The following DOCK2 variants were observed in gnomAD, a reference collection of about 807,000 sequenced individuals.
DOCK2 encodes the protein dedicator of cytokinesis protein 2.
In DOCK2, 87 loss-of-function variants were observed where a neutral mutation model predicts 248.9. The observed-to-expected ratio is 0.35, with a 90% confidence interval of 0.29 to 0.42. DOCK2 has a LOEUF of 0.42. Among genes scored for constraint, DOCK2 ranks in the 10% least tolerant of loss-of-function variants. DOCK2 has a pLI of 1.00. For synonymous variants in DOCK2, 805 were observed against 821.6 expected, an observed-to-expected ratio of 0.98 and a Z score of 0.35; for missense variants, 1,747 against 2,300.2, an observed-to-expected ratio of 0.76 and a Z score of 4.92.
intron 22 of DOCK2, among the ~76,000 whole-genome samples, chr5:169,721,678 G>T (rs1309988373): frequency 1.3e-5 from 2 of 152,146 alleles, no homozygotes; most frequent in Non-Finnish European, 2.9e-5. Flanking sequence ...CCCATTATTT[G>T]TTCCCTTGCC....
At chr5:169,798,157 G>A (rs1470268016) in intron 25 of DOCK2, among the ~76,000 whole-genome samples, 11 of 152,202 alleles carry the variant, frequency 7.2e-5, no homozygotes, top group African/African-American at 2.7e-4. Flanking sequence ...TACTCTGTGA[G>A]CAAGGCAAAC....
At chr5:169,807,833 C>CCA in intron 26 of DOCK2, among the ~76,000 whole-genome samples, 1 of 24,230 alleles carries the variant, frequency 4.1e-5, no homozygotes, top group African/African-American at 8.9e-5. Context: ...GACTCTGTCT[C>CCA]AAAAAAAAAA....
chr5:170,061,545 A>G (rs1437370117), intron 44 of DOCK2, among the ~76,000 whole-genome samples: 1 of 152,248 alleles, frequency 6.6e-6, no homozygotes, highest in Non-Finnish European at 1.5e-5. Context: ...CGTGGGTTTA[A>G]CTTCTGAAAT....
rs1766485652 is a variant in DOCK2, at chr5:169,793,699, TG to T, written c.2555-9356del. Among the ~76,000 whole-genome samples, 7 of 152,242 alleles carry T rather than the reference TG, an allele frequency of 4.6e-5. No homozygotes were observed. In the South Asian group the frequency reaches 1.5e-3, roughly 32 times the overall value. ...TACCCAGGAATCAAACTTTTTACCA[TG>T]GGCCCCAGGGCCTGATGAGACCTGG... On this transcript the variant is annotated intron_variant, in intron 25 of 51. Transcript: ENST00000520908.
chr5:169,985,196 C>A (rs910732162), intron 28 of DOCK2, among the ~76,000 whole-genome samples: 2 of 152,142 alleles, frequency 1.3e-5, no homozygotes, highest in African/African-American at 4.8e-5. Context: ...AGCCACCGTG[C>A]CTGGCCTCCA....
chr5:169,722,365 G>A (rs187621030), intron 22 of DOCK2, among the ~76,000 whole-genome samples: 2,375 of 152,300 alleles, frequency 0.016, 64 homozygotes, highest in African/African-American at 0.054. Flanking sequence ...AGACTGCAGA[G>A]TTAGGATAAC....
intron 27 of DOCK2, among the ~76,000 whole-genome samples, chr5:169,951,711 A>G (rs116173094): frequency 0.019 from 2,941 of 152,360 alleles, 45 homozygotes; most frequent in Non-Finnish European, 0.031. Flanking sequence ...ATACACAAAC[A>G]TATGTATAGC....
chr5:170,053,437 G>A (rs1756994629), intron 41 of DOCK2, among the ~76,000 whole-genome samples: 1 of 152,152 alleles, frequency 6.6e-6, no homozygotes, highest in Non-Finnish European at 1.5e-5. Context: ...AAACTCTATG[G>A]ACACTAACAT....
intron 30 of DOCK2, chr5:169,998,134 A>G (rs901010260): frequency 4.6e-6 from 2 of 439,254 alleles, no homozygotes; most frequent in East Asian, 7.0e-5. Context: ...ATGCAAAACC[A>G]TGTGGCTTCC....
intron 23 of DOCK2, among the ~76,000 whole-genome samples, chr5:169,752,881 A>G (rs1763975856): frequency 6.6e-6 from 1 of 152,124 alleles, no homozygotes; most frequent in South Asian, 2.1e-4. Context: ...CCTGGCCAAC[A>G]TGGTGAAATC....
intron 11 of DOCK2, among the ~76,000 whole-genome samples, chr5:169,699,166 C>G (rs1760811466): frequency 6.6e-6 from 1 of 152,140 alleles, no homozygotes; most frequent in African/African-American, 2.4e-5. Flanking sequence ...TAAGAAATGG[C>G]CTCTACCTGT....
At chr5:169,987,894 T>C (rs972409866) in intron 29 of DOCK2, among the ~76,000 whole-genome samples, 1 of 152,208 alleles carries the variant, frequency 6.6e-6, no homozygotes, top group Admixed American at 6.5e-5. Flanking sequence ...TTCTGCCACT[T>C]TCTCTTTCTT....
intron 25 of DOCK2, among the ~76,000 whole-genome samples, chr5:169,765,130 C>G (rs1764705478): frequency 6.6e-6 from 1 of 151,118 alleles, no homozygotes; most frequent in African/African-American, 2.4e-5. Context: ...TCCTTGTTTT[C>G]TTTATGGAGG....
chr5:169,925,555 G>A (rs894616220), intron 27 of DOCK2, among the ~76,000 whole-genome samples: 30 of 144,828 alleles, frequency 2.1e-4, no homozygotes, highest in Admixed American at 1.7e-3. Context: ...ACTCCAGCCT[G>A]GGCGACAGAG....
chr5:169,954,947 G>A (rs375906064), intron 27 of DOCK2, among the ~76,000 whole-genome samples: 17 of 152,296 alleles, frequency 1.1e-4, no homozygotes, highest in African/African-American at 4.1e-4. Flanking sequence ...AACCTAGCAG[G>A]GGCATTAGGA....
At chr5:169,741,602 G>T (rs1262469525) in intron 22 of DOCK2, among the ~76,000 whole-genome samples, 2 of 152,048 alleles carry the variant, frequency 1.3e-5, no homozygotes, top group African/African-American at 2.4e-5. Flanking sequence ...CAAATTATTG[G>T]CTCAGGGGAA....
chr5:169,902,063 A>G (rs570574015), intron 27 of DOCK2, among the ~76,000 whole-genome samples: 8 of 152,216 alleles, frequency 5.3e-5, no homozygotes, highest in Non-Finnish European at 1.2e-4. Context: ...CTGTGTGCCA[A>G]GGAAACCACA....
intron 26 of DOCK2, among the ~76,000 whole-genome samples, chr5:169,807,815 C>G (rs1215646698): frequency 1.3e-5 from 1 of 78,798 alleles, no homozygotes; most frequent in Non-Finnish European, 2.4e-5. Context: ...GCCTGGGAGA[C>G]AGAGCAAGAC....
At chr5:169,877,230 A>G (rs953938057) in intron 27 of DOCK2, among the ~76,000 whole-genome samples, 2 of 152,242 alleles carry the variant, frequency 1.3e-5, no homozygotes, top group African/African-American at 2.4e-5. Flanking sequence ...GGAGCCACAG[A>G]CTACCTGAAT....
Sources: allele counts gnomAD v4.1 joint callset (sites outside exome capture counted in the v4.1 genomes callset), GRCh38; gene constraint gnomAD v4.1.1; transcripts MANE v1.5; gene names NCBI Gene and HGNC (gene_info 2026-07-23, HGNC 2026-07-21).